Variants in FIG4 observed in about 807,000 individuals in gnomAD.
FIG4 encodes polyphosphoinositide phosphatase.
FIG4 carries 112 observed loss-of-function variants against 118.6 expected under a neutral mutation model. That is an observed-to-expected ratio of 0.94 (90% CI 0.81 to 1.11). The LOEUF is 1.11. Ranked by LOEUF, FIG4 falls within the 50% of genes least tolerant of loss-of-function variation. The pLI, the probability that FIG4 is intolerant of heterozygous loss-of-function variation, is 0.00. For synonymous variants in FIG4, 369 were observed against 381.2 expected (o/e 0.97, Z 0.37); for missense variants, 969 against 1,111.7 (o/e 0.87, Z 1.83).
At chr6:109,716,656 T>C in intron 3 of FIG4, 88 bp downstream of exon 3, 1 of 1,453,046 alleles carries the variant, frequency 6.9e-7, no homozygotes, top group African/African-American at 1.4e-5. Context: ...TATAAGGCTA[T>C]AAGGCTTTAA....
At position 109,825,342 on chromosome 6, in the gene FIG4, A is replaced by G. The variant is rs1258163951; in HGVS notation, c.*77A>G. 1 of 1,383,026 alleles carries G rather than the reference A, an allele frequency of 7.2e-7. No homozygotes were observed. The highest frequency in any genetic ancestry group is 1.0e-6 in the Non-Finnish European group (1 of 976,140). 85.7% of individuals were successfully genotyped at this position (1,383,026 alleles called of 1,614,324 possible). On this transcript the variant is annotated 3_prime_UTR_variant, in exon 23 of 23. Transcript: ENST00000230124. The stretch of plus-strand genomic sequence containing the variant: ...TTGTCTCATCTTCAAAAGGTAACTT[A>G]TTAAAAGTCCTTTGCGTCTGAAGCC...
chr6:109,766,080 C>T (rs1049560984), intron 14 of FIG4, among the ~76,000 whole-genome samples: 1 of 152,164 alleles, frequency 6.6e-6, no homozygotes, highest in African/African-American at 2.4e-5. Context: ...GAGGTGGGAC[C>T]TTTGGAAAAT....
Position 109,691,333 on chromosome 6 carries a change from C to G in FIG4, c.-103C>G. ...GTTTAGTGCCTAATGGGTGTTGTTC[C>G]TGGCTGGACTTGATGTCCAGGGCCT... On this transcript the variant is annotated 5_prime_UTR_variant, in exon 1 of 23. Coordinates refer to ENST00000230124, the MANE Select transcript of FIG4 (RefSeq NM_014845.6). 1 of 936,390 alleles carries G rather than the reference C, an allele frequency of 1.1e-6. No individual in the cohort carries two copies. The highest frequency in any genetic ancestry group is 2.6e-5 in the East Asian group (1 of 38,186). The allele number at this position is 936,390 out of a possible 1,614,324, so 58.0% of individuals were successfully genotyped here.
chr6:109,753,519 T>C (rs1776779700), intron 10 of FIG4, among the ~76,000 whole-genome samples: 1 of 152,068 alleles, frequency 6.6e-6, no homozygotes, highest in Admixed American at 6.5e-5. Flanking sequence ...ATTGAATCTA[T>C]AAATTACCTT....
chr6:109,755,301 A>G (rs1000597459), intron 10 of FIG4, among the ~76,000 whole-genome samples: 3 of 152,122 alleles, frequency 2.0e-5, no homozygotes, highest in African/African-American at 7.2e-5. Context: ...GGTCTGAGAG[A>G]CAGCTTGTTA....
At chr6:109,812,637 G>A (rs975743298) in intron 22 of FIG4, among the ~76,000 whole-genome samples, 18 of 152,192 alleles carry the variant, frequency 1.2e-4, no homozygotes, top group Non-Finnish European at 2.6e-4. Context: ...GCAACAGGAA[G>A]GTTATTAATG....
chr6:109,746,011 G>T (rs1301504818), intron 10 of FIG4, among the ~76,000 whole-genome samples: 3 of 152,078 alleles, frequency 2.0e-5, no homozygotes, highest in African/African-American at 7.2e-5. Flanking sequence ...ATACTACAAG[G>T]CTACAGTAAA....
rs371402698 is a variant in FIG4 at position 109,787,919 on chromosome 6, TATA to T, written c.2096+1473_2096+1475del. On this transcript the variant is annotated intron_variant, in intron 18 of 22. Coordinates refer to ENST00000230124, the MANE Select transcript of FIG4 (RefSeq NM_014845.6). ...GTTAATATACAATCAGTCCCTGCCT[TATA>T]ATGATTCAACTTACGATTTTTCAGC... Among the ~76,000 whole-genome samples, 34 of 152,318 alleles carry T rather than the reference TATA, an allele frequency of 2.2e-4. No homozygotes were observed. The East Asian group carries it at 3.7e-3, about 16-fold the overall frequency.
At chr6:109,758,145 G>A (rs1029255833) in intron 10 of FIG4, among the ~76,000 whole-genome samples, 1 of 152,164 alleles carries the variant, frequency 6.6e-6, no homozygotes, top group African/African-American at 2.4e-5. Context: ...AGCCCGTATA[G>A]CCAAGACAAT....
chr6:109,726,534 G>A (rs1018050387), intron 3 of FIG4, among the ~76,000 whole-genome samples: 14 of 152,120 alleles, frequency 9.2e-5, no homozygotes. Flanking sequence ...CAGGTAGTGT[G>A]ATGCCTCCAG....
intron 1 of FIG4, among the ~76,000 whole-genome samples, chr6:109,712,649 T>A (rs1775302791): frequency 6.6e-6 from 1 of 152,260 alleles, no homozygotes; most frequent in South Asian, 2.1e-4. Flanking sequence ...TCATGATTTT[T>A]AGCTTCCTTG....
chr6:109,743,677 G>T lies in FIG4; in HGVS notation c.1042G>T (p.Asp348Tyr). The change falls in exon 10 of 23, where the codon GAT becomes TAT. Residue 348 changes from aspartate to tyrosine, a missense_variant and splice_region_variant. Asp to Tyr is a radical substitution (Grantham distance 160). Coordinates refer to ENST00000230124, the MANE Select transcript of FIG4 (RefSeq NM_014845.6). ...TTTTCATCTTTTTTCCTTCTCAGTG[G>T]ATCAGGCAGATCCATTTGCACATGT... ...TMMPKPPITL[D>Y]QADPFAHVAA... 6.2e-7 allele frequency: 1 copy of T among 1,610,870 alleles called. No individual in the cohort carries two copies.
intron 2 of FIG4, among the ~76,000 whole-genome samples, chr6:109,716,078 T>C (rs1257182141): frequency 2.6e-5 from 4 of 152,186 alleles, no homozygotes; most frequent in Non-Finnish European, 5.9e-5. Context: ...CCCTTTGAAA[T>C]GTTAAGAAAA....
chr6:109,740,089 T>C (rs1240037328), intron 7 of FIG4, among the ~76,000 whole-genome samples: 1 of 152,216 alleles, frequency 6.6e-6, no homozygotes, highest in African/African-American at 2.4e-5. Flanking sequence ...AATTACTTTT[T>C]TCTCTTTCCA....
intron 14 of FIG4, among the ~76,000 whole-genome samples, chr6:109,765,846 G>A (rs560163176): frequency 1.3e-5 from 2 of 152,154 alleles, no homozygotes; most frequent in East Asian, 1.9e-4. Context: ...ACTGGTCATC[G>A]GAAATTGTCA....
chr6:109,824,537 T>C, intron 22 of FIG4, among the ~76,000 whole-genome samples: 1 of 152,218 alleles, frequency 6.6e-6, no homozygotes, highest in Non-Finnish European at 1.5e-5. Context: ...AGAAATTCTG[T>C]ACCTGTAATT....
intron 16 of FIG4, among the ~76,000 whole-genome samples, chr6:109,781,994 A>T (rs1777820313): frequency 6.6e-6 from 1 of 151,956 alleles, no homozygotes; most frequent in South Asian, 2.1e-4. Flanking sequence ...ACAAATATTG[A>T]TTGCTCTGCT....
chr6:109,720,287 C>T (rs1775567388), intron 3 of FIG4, among the ~76,000 whole-genome samples: 1 of 152,170 alleles, frequency 6.6e-6, no homozygotes, highest in Non-Finnish European at 1.5e-5. Context: ...AAATTATTAA[C>T]ACAAAATACT....
At chr6:109,791,311 T>C in intron 19 of FIG4, 65 bp from the exon 20 acceptor site, 1 of 1,349,070 alleles carries the variant, frequency 7.4e-7, no homozygotes. Flanking sequence ...TGGGACAGAG[T>C]GATAGACAGT....
Sources: allele counts gnomAD v4.1 joint callset (sites outside exome capture counted in the v4.1 genomes callset), GRCh38; gene constraint gnomAD v4.1.1; transcripts MANE v1.5; gene names NCBI Gene and HGNC (gene_info 2026-07-23, HGNC 2026-07-21).